Variants in TGFBR3 observed in about 807,000 individuals in gnomAD.
TGFBR3 encodes transforming growth factor beta receptor type 3.
TGFBR3 carries 46 observed loss-of-function variants against 87.9 expected under a neutral mutation model. The ratio of observed to expected loss-of-function variants is 0.52; its 90% CI spans 0.41 to 0.67. TGFBR3 has a LOEUF of 0.67. TGFBR3 is among the 30% of genes least tolerant of loss of function. The pLI, the probability that TGFBR3 is intolerant of heterozygous loss-of-function variation, is 0.00. For synonymous variants in TGFBR3, 381 were observed against 391.6 expected (o/e 0.97, Z 0.32); for missense variants, 866 against 1,041.9 (o/e 0.83, Z 2.32).
chr1:91,716,752 A>G (rs1224035097), intron 10 of TGFBR3, 44 bp from the exon 11 acceptor site: 1 of 1,612,308 alleles, frequency 6.2e-7, no homozygotes, highest in African/African-American at 1.3e-5. Context: ...AAAACACCAA[A>G]CCATGTGTGT....
chr1:91,898,312 G>T (rs1425969853), intron 2 of TGFBR3, among the ~76,000 whole-genome samples: 2 of 152,068 alleles, frequency 1.3e-5, no homozygotes, highest in East Asian at 3.9e-4. Flanking sequence ...GTATGAATGT[G>T]TCCATTTAAG....
At position 91,712,271 on chromosome 1, in the gene TGFBR3, A is replaced by G. The variant is rs756861353; in HGVS notation, c.2138T>C (p.Met713Thr). The G allele has an allele frequency of 5.0e-6, 8 of 1,614,090 alleles. No individual in the cohort carries two copies. The East Asian group carries it at 1.1e-4, about 22-fold the overall frequency. ...LQCELTLCTK[M>T]EKHPQKLPKC... ...AGGCAACTTCTGGGGGTGCTTCTCCATCTTCGTACACAGCGTCAGCTCACA... is the reference window on the plus strand; with the variant it reads ...AGGCAACTTCTGGGGGTGCTTCTCCGTCTTCGTACACAGCGTCAGCTCACA... The change falls in exon 13 of 17, where the codon ATG becomes ACG. Residue 713 changes from methionine to threonine, a missense_variant. Met to Thr is a moderately conservative substitution (Grantham distance 81, BLOSUM62 -1). Transcript: ENST00000212355.
At chr1:91,714,433 T>G (rs936769087) in intron 12 of TGFBR3, among the ~76,000 whole-genome samples, 1 of 152,006 alleles carries the variant, frequency 6.6e-6, no homozygotes, top group East Asian at 1.9e-4. Flanking sequence ...AATGAACAGG[T>G]GGCAACACTG....
At chr1:91,822,195 T>G (rs1306380272) in intron 2 of TGFBR3, among the ~76,000 whole-genome samples, 1 of 149,488 alleles carries the variant, frequency 6.7e-6, no homozygotes, top group African/African-American at 2.5e-5. Context: ...TCTGGAGAGA[T>G]GATAGACAAA....
At chr1:91,817,177 T>C (rs1305878742) in intron 2 of TGFBR3, among the ~76,000 whole-genome samples, 1 of 152,244 alleles carries the variant, frequency 6.6e-6, no homozygotes, top group African/African-American at 2.4e-5. Flanking sequence ...CCATGAGGCC[T>C]AACTCCAGCT....
chr1:91,837,948 G>A (rs979657251), intron 2 of TGFBR3, among the ~76,000 whole-genome samples: 2 of 152,088 alleles, frequency 1.3e-5, no homozygotes, highest in African/African-American at 4.8e-5. Flanking sequence ...TAGCATACTC[G>A]GGAGATTGCT....
At chr1:91,759,383 C>CAAAAAAAAAAAAAAAAAAAAAAACAAAAA (rs35600646) in intron 3 of TGFBR3, among the ~76,000 whole-genome samples, 1 of 84,736 alleles carries the variant, frequency 1.2e-5, no homozygotes, top group Non-Finnish European at 2.2e-5. Context: ...CAGCCCCTGT[C>CAAAAAAAAAAAAAAAAAAAAAAACAAAAA]AAAAAAAAAA....
chr1:91,840,394 T>C (rs1391671135), intron 2 of TGFBR3, among the ~76,000 whole-genome samples: 1 of 151,566 alleles, frequency 6.6e-6, no homozygotes, highest in Non-Finnish European at 1.5e-5. Context: ...CATGATTTTG[T>C]AATATCATGC....
At chr1:91,718,342 C>T (rs1456350973) in intron 10 of TGFBR3, among the ~76,000 whole-genome samples, 2 of 152,088 alleles carry the variant, frequency 1.3e-5, no homozygotes, top group African/African-American at 4.8e-5. Flanking sequence ...GAGTCACTTC[C>T]CACAGGAACC....
intron 2 of TGFBR3, among the ~76,000 whole-genome samples, chr1:91,897,144 G>C (rs1679571070): frequency 2.0e-5 from 3 of 152,260 alleles, no homozygotes; most frequent in Admixed American, 1.3e-4. Flanking sequence ...ATTTCAGTTT[G>C]AGACTCTTTC....
chr1:91,872,715 G>C (rs1382129037), intron 1 of TGFBR3, among the ~76,000 whole-genome samples: 1 of 152,126 alleles, frequency 6.6e-6, no homozygotes, highest in Non-Finnish European at 1.5e-5. Context: ...CGTTGTGTTT[G>C]CTTTTCATCT....
intron 2 of TGFBR3, chr1:91,830,110 T>C (rs1453025027): frequency 6.6e-6 from 1 of 152,030 alleles, no homozygotes; most frequent in Admixed American, 6.6e-5. Context: ...AGCTAGATCT[T>C]TGGTACTCAA....
At chr1:91,707,006 C>T (rs911563690) in intron 14 of TGFBR3, among the ~76,000 whole-genome samples, 3 of 152,262 alleles carry the variant, frequency 2.0e-5, no homozygotes, top group East Asian at 1.9e-4. Flanking sequence ...AAAATGTTGC[C>T]GAGAACATCT....
At chr1:91,828,257 AAATGT>A (rs1197135252) in intron 2 of TGFBR3, among the ~76,000 whole-genome samples, 31 of 152,294 alleles carry the variant, frequency 2.0e-4, no homozygotes, top group African/African-American at 7.0e-4. Flanking sequence ...AAGAACTTTC[AAATGT>A]AACCATGCAC....
intron 5 of TGFBR3, among the ~76,000 whole-genome samples, chr1:91,733,011 C>T (rs55996125): frequency 0.1 from 15,725 of 152,262 alleles, 1,022 homozygotes; most frequent in East Asian, 0.25. Flanking sequence ...AAACGCGGCC[C>T]GCTGGCCAGG....
At chr1:91,882,763 A>G (rs1391305256) in intron 1 of TGFBR3, among the ~76,000 whole-genome samples, 2 of 152,024 alleles carry the variant, frequency 1.3e-5, no homozygotes, top group Non-Finnish European at 2.9e-5. Context: ...TAAATAAATA[A>G]ATAGATAAAT....
chr1:91,865,096 G>A (rs901780510), intron 1 of TGFBR3, among the ~76,000 whole-genome samples: 15 of 151,414 alleles, frequency 9.9e-5, no homozygotes, highest in Admixed American at 5.9e-4. Flanking sequence ...CCAGCTACTC[G>A]GGAGGCTGAG....
intron 4 of TGFBR3, among the ~76,000 whole-genome samples, chr1:91,749,925 T>A (rs1484038367): frequency 6.6e-6 from 1 of 152,174 alleles, no homozygotes; most frequent in Admixed American, 6.5e-5. Context: ...TGACATTTGA[T>A]ACAATTGCCC....
intron 9 of TGFBR3, 112 bp downstream of exon 9, chr1:91,719,781 C>T: frequency 8.1e-7 from 1 of 1,230,250 alleles, no homozygotes; most frequent in Non-Finnish European, 1.2e-6. Flanking sequence ...AAAACAGTAT[C>T]AAGCCTCCGG....
Sources: allele counts gnomAD v4.1 joint callset (sites outside exome capture counted in the v4.1 genomes callset), GRCh38; gene constraint gnomAD v4.1.1; transcripts MANE v1.5; gene names NCBI Gene and HGNC (gene_info 2026-07-23, HGNC 2026-07-21).